The following LRPPRC variants were observed in gnomAD, a reference collection of about 807,000 sequenced individuals.
LRPPRC encodes leucine rich pentatricopeptide repeat containing.
In LRPPRC, 120 loss-of-function variants were observed where a neutral mutation model predicts 180.3. The observed-to-expected ratio is 0.67, with a 90% CI of 0.57 to 0.77. The LOEUF is 0.77. Among genes scored for constraint, LRPPRC ranks in the 30% least tolerant of loss-of-function variants. The probability of loss-of-function intolerance (pLI) is 0.00; values close to 1 mark genes in which losing one functional copy is unlikely to be tolerated. For synonymous variants in LRPPRC, 723 were observed against 600.0 expected (o/e 1.21, Z -3.00); for missense variants, 2,012 against 1,657.2 (o/e 1.21, Z -3.72).
At chr2:43,956,056 C>T (rs1673100659) in intron 14 of LRPPRC, among the ~76,000 whole-genome samples, 1 of 149,202 alleles carries the variant, frequency 6.7e-6, no homozygotes, top group Non-Finnish European at 1.5e-5. Flanking sequence ...AATGCTTAAT[C>T]TGAGTCTCAT....
intron 16 of LRPPRC, among the ~76,000 whole-genome samples, 169 bp from the exon 17 acceptor site, chr2:43,948,687 T>C (rs780931533): frequency 1.3e-5 from 2 of 152,150 alleles, no homozygotes; most frequent in African/African-American, 4.8e-5. Context: ...TGGGAGCACA[T>C]ATCTAACTGG....
At chr2:43,971,060 A>G (rs1673783845) in intron 11 of LRPPRC, among the ~76,000 whole-genome samples, 1 of 150,730 alleles carries the variant, frequency 6.6e-6, no homozygotes, top group Non-Finnish European at 1.5e-5. Flanking sequence ...AGATAGTGCC[A>G]TTGCACTCCA....
intron 21 of LRPPRC, among the ~76,000 whole-genome samples, chr2:43,945,842 T>C (rs1672661509): frequency 6.6e-6 from 1 of 152,100 alleles, no homozygotes; most frequent in African/African-American, 2.4e-5. Context: ...GTTACCACCA[T>C]CACCACTGTT....
intron 12 of LRPPRC, among the ~76,000 whole-genome samples, chr2:43,963,262 T>A (rs1673422208): frequency 6.6e-6 from 1 of 152,010 alleles, no homozygotes; most frequent in African/African-American, 2.4e-5. Flanking sequence ...CCGACCAACA[T>A]GGAGAAACCC....
In LRPPRC at chr2:43,982,422, G is replaced by A. The variant is rs1362232761; in HGVS notation, c.162C>T (p.Ser54=). ...RAGPVAGGLL[S]PARLYAIAAK... ...CAGCAATGGCATACAGCCTGGCTGGGCTCAGTAGTCCTCTAAAAAATGAAA... is the reference window on the plus strand; with the variant it reads ...CAGCAATGGCATACAGCCTGGCTGGACTCAGTAGTCCTCTAAAAAATGAAA... Residue 54 remains serine, a synonymous_variant, in exon 2 of 38, where the codon AGC becomes AGT. Coordinates refer to ENST00000260665, the MANE Select transcript of LRPPRC (RefSeq NM_133259.4). 26 of 1,612,364 alleles carry A rather than the reference G, an allele frequency of 1.6e-5. No individual in the cohort carries two copies. Among genetic ancestry groups the A allele is most frequent in the Non-Finnish European group, 2.2e-5 (26 of 1,178,478 alleles).
At position 43,977,194 on chromosome 2, in the gene LRPPRC, G is replaced by A. The variant is rs1014189636; in HGVS notation, c.552C>T (p.Phe184=). 3.7e-6 allele frequency: 6 copies of A among 1,609,106 alleles called. No homozygotes were observed. The highest frequency in any genetic ancestry group is 5.1e-6 in the Non-Finnish European group (6 of 1,175,582). The change falls in exon 4 of 38, where the codon TTC becomes TTT. Residue 184 remains phenylalanine (F), a synonymous_variant. Transcript: ENST00000260665. ...QNEYKFSPTD[F]LAKMEEANIQ... The stretch of plus-strand genomic sequence containing the variant: ...TGTTTGCTTCCTCCATTTTTGCCAG[G>A]AAATCAGTTGGTGAGAATTTATATT...
rs62138273 is a variant in LRPPRC, at chr2:43,918,698, A to C, written c.2897-300T>G. 0.069 allele frequency among the ~76,000 whole-genome samples: 10,431 copies of C among 151,240 alleles called. 510 individuals carry two copies. Among genetic ancestry groups the C allele is most frequent in the South Asian group, 0.14 (668 of 4,786 alleles). ...AGTTTGTCTTTTTAATGTTACTGAG[A>C]AAGTGCCTACTGCCGAAATCAAAAT... On this transcript the variant is annotated intron_variant, in intron 27 of 37. Transcript: ENST00000260665.
rs1348519448 is a variant in LRPPRC, at chr2:43,890,077, AAGG to A, written c.3986-204_3986-202del. The A allele has an allele frequency of 7.9e-5, 48 of 606,668 alleles. No individual in the cohort carries two copies. In the East Asian group the frequency reaches 1.2e-3, roughly 15 times the overall value. The allele number at this position is 606,668 out of a possible 1,614,324, so 37.6% of individuals were successfully genotyped here. A position where few individuals can be genotyped will look rare whatever the true frequency, so the allele number is the denominator to read the frequency against. On this transcript the variant is annotated intron_variant, in intron 36 of 37. Coordinates refer to ENST00000260665, the MANE Select transcript of LRPPRC (RefSeq NM_133259.4). Reference sequence around the variant, plus strand: ...CCCTCATTCGGCATCACTCACTTTGAAGGAGAAGAAAATGACAAATATGGCTAC... The same window carrying A: ...CCCTCATTCGGCATCACTCACTTTGAAGAAGAAAATGACAAATATGGCTAC...
chr2:43,973,943 C>G (rs1210021699), intron 9 of LRPPRC, 43 bp from the exon 10 acceptor site: 3 of 1,260,266 alleles, frequency 2.4e-6, no homozygotes, highest in Non-Finnish European at 3.5e-6. Flanking sequence ...TGGCAAACAC[C>G]CCACCGTTTG....
intron 29 of LRPPRC, 27 bp from the exon 30 acceptor site, chr2:43,912,585 TGA>T: frequency 1.3e-6 from 2 of 1,590,612 alleles, no homozygotes; most frequent in Non-Finnish European, 1.7e-6. Context: ...ACAAAAAAAA[TGA>T]GATGACATTA....
chr2:43,895,853 T>C (rs1030901071), intron 35 of LRPPRC, among the ~76,000 whole-genome samples: 1 of 152,156 alleles, frequency 6.6e-6, no homozygotes, highest in Non-Finnish European at 1.5e-5. Context: ...CTAAGAGAAA[T>C]TTAATTTTAT....
At chr2:43,924,333 G>A (rs1480713053) in intron 27 of LRPPRC, among the ~76,000 whole-genome samples, 1 of 152,154 alleles carries the variant, frequency 6.6e-6, no homozygotes, top group Admixed American at 6.5e-5. Flanking sequence ...AAGTACTAGA[G>A]CATTGTTTGA....
chr2:43,900,025 C>A (rs1670830871), intron 32 of LRPPRC, among the ~76,000 whole-genome samples: 1 of 152,128 alleles, frequency 6.6e-6, no homozygotes. Flanking sequence ...TGATCCACAA[C>A]TTGTCACTAC....
At position 43,987,491 on chromosome 2, in the gene LRPPRC, C is replaced by CAAAAA. The variant is rs34151335; in HGVS notation, c.150-5062_150-5058dup. ...GGCCGGGCGACAGAGCCAGACTCCTCAAAAAAAAAAAAAAAAAAAAGGTTG... is the reference window on the plus strand; with the variant it reads ...GGCCGGGCGACAGAGCCAGACTCCTCAAAAAAAAAAAAAAAAAAAAAAAAAGGTTG... On this transcript the variant is annotated intron_variant, in intron 1 of 37. Transcript: ENST00000260665. Among the ~76,000 whole-genome samples, 196 of 75,764 alleles carry CAAAAA rather than the reference C, an allele frequency of 2.6e-3. 9 individuals are homozygous for CAAAAA. The highest frequency in any genetic ancestry group is 8.6e-3 in the African/African-American group (159 of 18,572). 49.7% of individuals were successfully genotyped at this position (75,764 alleles called of 152,430 possible).
chr2:43,891,729 C>T (rs1297581709), intron 36 of LRPPRC, among the ~76,000 whole-genome samples: 1 of 152,144 alleles, frequency 6.6e-6, no homozygotes, highest in African/African-American at 2.4e-5. Context: ...TCTAAGTGTT[C>T]AAGTGAAAGA....
Position 43,947,242 on chromosome 2 carries a change from T to G in LRPPRC, c.2079+15A>C, listed in dbSNP as rs376784606. 7.6e-7 allele frequency: 1 copy of G among 1,308,172 alleles called. No individual in the cohort carries two copies. The highest frequency in any genetic ancestry group is 1.1e-6 in the Non-Finnish European group (1 of 916,670). 81.0% of individuals were successfully genotyped at this position (1,308,172 alleles called of 1,614,324 possible). A position where few individuals can be genotyped will look rare whatever the true frequency, so the allele number is the denominator to read the frequency against. The stretch of plus-strand genomic sequence containing the variant: ...TTTTGCCTTAATAATATTTAAATAT[T>G]AAAACAAATGTTACCTCTTCTGAAC... On this transcript the variant is annotated intron_variant, in intron 20 of 37. Transcript: ENST00000260665.
chr2:43,895,225 A>G (rs999275632), intron 35 of LRPPRC, among the ~76,000 whole-genome samples: 5 of 152,222 alleles, frequency 3.3e-5, no homozygotes, highest in African/African-American at 1.2e-4. Context: ...ATGGATATAT[A>G]AACATCTATG....
chr2:43,978,654 T>C (rs1347985663), intron 3 of LRPPRC, among the ~76,000 whole-genome samples: 1 of 152,066 alleles, frequency 6.6e-6, no homozygotes, highest in Non-Finnish European at 1.5e-5. Flanking sequence ...AAAGTCAACA[T>C]TTATCTATAT....
intron 27 of LRPPRC, among the ~76,000 whole-genome samples, chr2:43,923,065 T>C (rs957248299): frequency 2.0e-5 from 3 of 148,748 alleles, no homozygotes; most frequent in Admixed American, 1.4e-4. Context: ...AGGTGTCCAA[T>C]AGGACACATA....
Sources: gnomAD v4.1 joint callset for allele counts (sites outside exome capture counted in the v4.1 genomes callset) on GRCh38, gnomAD v4.1.1 for gene constraint, MANE v1.5 for transcripts, NCBI Gene and HGNC (gene_info 2026-07-23, HGNC 2026-07-21) for gene names.